The following PTPRD variants were observed in gnomAD, a reference collection of about 807,000 sequenced individuals.
PTPRD encodes the protein protein tyrosine phosphatase receptor type D.
A neutral mutation model predicts 214.5 loss-of-function variants in PTPRD; 34 were observed. That is an observed-to-expected ratio of 0.16 (90% CI 0.12 to 0.21). PTPRD has a LOEUF of 0.21. Among genes scored for constraint, PTPRD ranks in the 10% least tolerant of loss-of-function variants. The pLI, the probability that PTPRD is intolerant of heterozygous loss-of-function variation, is 1.00. For synonymous variants in PTPRD, 1,128 were observed against 845.7 expected, an observed-to-expected ratio of 1.33 and a Z score of -5.79; for missense variants, 2,545 against 2,398.7, an observed-to-expected ratio of 1.06 and a Z score of -1.27.
chr9:8,831,572 T>A (rs1364434170), intron 11 of PTPRD, among the ~76,000 whole-genome samples: 1 of 152,148 alleles, frequency 6.6e-6, no homozygotes, highest in Non-Finnish European at 1.5e-5. Flanking sequence ...AACAACTGGG[T>A]GAGCAATATT....
At chr9:9,062,579 TCTAC>T (rs960595297) in intron 10 of PTPRD, among the ~76,000 whole-genome samples, 8 of 91,440 alleles carry the variant, frequency 8.7e-5, no homozygotes, top group African/African-American at 3.0e-4. Context: ...TATCTATCTA[TCTAC>T]CTACCTACCA....
intron 35 of PTPRD, among the ~76,000 whole-genome samples, chr9:8,432,782 C>T (rs10977093): frequency 0.23 from 34,413 of 152,074 alleles, 4,524 homozygotes; most frequent in Non-Finnish European, 0.31. Flanking sequence ...TCCTTCATGC[C>T]GGTTAAGGCA....
rs556320666 is a variant in PTPRD, at chr9:9,272,017, A to G, written c.-202-88654T>C. Reference sequence around the variant, plus strand: ...CTTTATGACAGAAGCAGGTTAGCATAGATGAGGTGAAGAATGGAGTTTTTT... The same window carrying G: ...CTTTATGACAGAAGCAGGTTAGCATGGATGAGGTGAAGAATGGAGTTTTTT... On this transcript the variant is annotated intron_variant, in intron 9 of 45. Transcript: ENST00000381196. Among the ~76,000 whole-genome samples the G allele has an allele frequency of 1.8e-3, 270 of 151,380 alleles. 1 individual carries two copies. Among genetic ancestry groups the G allele is most frequent in the African/African-American group, 6.3e-3 (262 of 41,420 alleles).
At chr9:8,842,405 TA>T (rs2097576295) in intron 11 of PTPRD, among the ~76,000 whole-genome samples, 1 of 152,152 alleles carries the variant, frequency 6.6e-6, no homozygotes, top group South Asian at 2.1e-4. Context: ...AATAGATGAA[TA>T]AAAGTTAGGG....
chr9:10,269,080 A>T (rs377506391), intron 3 of PTPRD, among the ~76,000 whole-genome samples: 1 of 152,222 alleles, frequency 6.6e-6, no homozygotes, highest in Admixed American at 6.5e-5. Flanking sequence ...CTAAAAGTTC[A>T]CATGCTCAAA....
At chr9:10,435,698 T>A (rs1271090135) in intron 2 of PTPRD, among the ~76,000 whole-genome samples, 1 of 151,914 alleles carries the variant, frequency 6.6e-6, no homozygotes, top group Non-Finnish European at 1.5e-5. Flanking sequence ...TAAAATAAAC[T>A]AATAATCATG....
At position 9,331,883 on chromosome 9, in the gene PTPRD, G is replaced by A. The variant is rs539341673; in HGVS notation, c.-203+65566C>T. 5.7e-4 allele frequency among the ~76,000 whole-genome samples: 86 copies of A among 152,116 alleles called. 1 individual carries two copies. In the South Asian group the frequency reaches 0.013, roughly 24 times the overall value. On this transcript the variant is annotated intron_variant, in intron 9 of 45. Coordinates refer to ENST00000381196, the MANE Select transcript of PTPRD (RefSeq NM_002839.4). ...CATACTAATTAGTTCATGTTGATAT[G>A]CCCAACATAGCAAATTCTGGGGAAA...
At chr9:8,355,148 G>T (rs1353303668) in intron 39 of PTPRD, among the ~76,000 whole-genome samples, 3 of 152,012 alleles carry the variant, frequency 2.0e-5, no homozygotes, top group Non-Finnish European at 4.4e-5. Flanking sequence ...GAGGGATATT[G>T]AGTTTACATG....
At chr9:8,594,195 C>A (rs2094327520) in intron 14 of PTPRD, among the ~76,000 whole-genome samples, 1 of 152,202 alleles carries the variant, frequency 6.6e-6, no homozygotes, top group South Asian at 2.1e-4. Context: ...ACAATCCCCA[C>A]TCCATGACAC....
In PTPRD at chr9:9,437,847, AT is replaced by A. The variant is rs548543212; in HGVS notation, c.-236-40366del. Among the ~76,000 whole-genome samples the A allele has an allele frequency of 2.6e-5, 4 of 152,272 alleles. No homozygotes were observed. The South Asian group carries it at 8.3e-4, about 32-fold the overall frequency. On this transcript the variant is annotated intron_variant, in intron 8 of 45. Transcript: ENST00000381196. ...AAGTCTGTCAGTCAACAAAGGTTTA[AT>A]TGTTTACTCATTTCAAGTATTTCTG...
At chr9:8,596,796 T>A (rs559900909) in intron 14 of PTPRD, among the ~76,000 whole-genome samples, 1 of 152,142 alleles carries the variant, frequency 6.6e-6, no homozygotes, top group Admixed American at 6.5e-5. Context: ...AACAATATTG[T>A]TGATAAACAG....
chr9:9,528,926 CTTTGTTTG>C (rs1246977217), intron 8 of PTPRD, among the ~76,000 whole-genome samples: 187 of 146,168 alleles, frequency 1.3e-3, no homozygotes, highest in African/African-American at 4.5e-3. Context: ...CAGTTTCTTT[CTTTGTTTG>C]TTTCTTTTTT....
At position 10,445,302 on chromosome 9, in the gene PTPRD, A is replaced by G. The variant is rs78233056; in HGVS notation, c.-599-104285T>C. The stretch of plus-strand genomic sequence containing the variant: ...GAACTACTTTGAGTTGCAATTGTTG[A>G]CTTTGAAGCACTTGAGCAGAAAAGA... On this transcript the variant is annotated intron_variant, in intron 2 of 45. Coordinates refer to ENST00000381196, the MANE Select transcript of PTPRD (RefSeq NM_002839.4). Among the ~76,000 whole-genome samples the G allele has an allele frequency of 3.0e-3, 462 of 152,116 alleles. 2 individuals are homozygous for G. The highest frequency in any genetic ancestry group is 0.011 in the African/African-American group (446 of 41,532).
intron 7 of PTPRD, among the ~76,000 whole-genome samples, chr9:9,610,862 C>T (rs112246296): frequency 2.3e-3 from 343 of 152,150 alleles, no homozygotes; most frequent in African/African-American, 7.7e-3. Flanking sequence ...TTTGAACTTT[C>T]GTTTCCAGTT....
At chr9:9,917,480 C>G (rs1372236672) in intron 5 of PTPRD, among the ~76,000 whole-genome samples, 1 of 142,784 alleles carries the variant, frequency 7.0e-6, no homozygotes, top group Admixed American at 7.1e-5. Context: ...AAATCCAGGA[C>G]CAGATGTCTT....
At chr9:9,942,942 C>T (rs1319938641) in intron 4 of PTPRD, among the ~76,000 whole-genome samples, 3 of 150,366 alleles carry the variant, frequency 2.0e-5, no homozygotes, top group African/African-American at 7.4e-5. Context: ...TCTTGCAATC[C>T]CATATATGAA....
At chr9:9,601,109 A>ATGTGTGTG (rs1273113716) in intron 7 of PTPRD, among the ~76,000 whole-genome samples, 22 of 102,166 alleles carry the variant, frequency 2.2e-4, no homozygotes, top group African/African-American at 7.3e-4. Flanking sequence ...AGAGATTAAT[A>ATGTGTGTG]TATGTGTGTG....
chr9:9,269,375 A>G (rs1045768326), intron 9 of PTPRD, among the ~76,000 whole-genome samples: 5 of 151,190 alleles, frequency 3.3e-5, no homozygotes, highest in Non-Finnish European at 7.4e-5. Context: ...GAGAGTGTGG[A>G]AAAAAAAGAA....
At chr9:8,615,491 G>C (rs2095581904) in intron 14 of PTPRD, among the ~76,000 whole-genome samples, 1 of 152,032 alleles carries the variant, frequency 6.6e-6, no homozygotes, top group Non-Finnish European at 1.5e-5. Context: ...GCCTTTCATG[G>C]TGTTTTGAGG....
Sources: gnomAD v4.1 joint callset for allele counts (sites outside exome capture counted in the v4.1 genomes callset) on GRCh38, gnomAD v4.1.1 for gene constraint, MANE v1.5 for transcripts, NCBI Gene and HGNC (gene_info 2026-07-23, HGNC 2026-07-21) for gene names.